RRM1: variants seen among roughly 807,000 people sequenced by gnomAD.
RRM1 encodes ribonucleoside-diphosphate reductase large subunit.
A neutral mutation model predicts 101.5 loss-of-function variants in RRM1; 19 were observed. That is an observed-to-expected ratio of 0.19 (90% CI 0.13 to 0.27). The LOEUF (loss-of-function observed/expected upper bound fraction) is 0.27. RRM1 is among the 10% of genes least tolerant of loss of function. The pLI is 1.00. For missense variants in RRM1, 500 were observed against 962.9 expected, an observed-to-expected ratio of 0.52 and a Z score of 6.36; for synonymous variants, 298 against 323.4, an observed-to-expected ratio of 0.92 and a Z score of 0.84.
At chr11:4,130,429 CTCACG>C (rs1288083500) in intron 15 of RRM1, among the ~76,000 whole-genome samples, 1 of 152,086 alleles carries the variant, frequency 6.6e-6, no homozygotes, top group African/African-American at 2.4e-5. Flanking sequence ...GGCACCATGA[CTCACG>C]TCTGTAATCC....
At chr11:4,121,911 G>A (rs1034417855) in intron 10 of RRM1, 146 bp downstream of exon 10, 15 of 789,902 alleles carry the variant, frequency 1.9e-5, no homozygotes, top group Non-Finnish European at 2.8e-5. Flanking sequence ...TGCCGTGCTT[G>A]TCTTCTTATA....
chr11:4,127,154 G>C lies in RRM1; in HGVS notation c.1590G>C (p.Gln530His). Residue 530 changes from glutamine to histidine, a missense_variant, in exon 14 of 19, where the codon CAG (glutamine) becomes CAC (histidine). Gln to His is a conservative substitution (Grantham distance 24). Transcript: ENST00000300738. Reference protein sequence around the residue: ...ESAEAQLLNKQIFETIYYGAL... With the variant: ...ESAEAQLLNKHIFETIYYGAL... ...CAGAAGCCCAGTTACTGAATAAGCA[G>C]ATCTTTGAAACTATTTATTATGGTG... 1 of 1,614,084 alleles carries C rather than the reference G, an allele frequency of 6.2e-7. No individual in the cohort carries two copies. Among genetic ancestry groups the C allele is most frequent in the Non-Finnish European group, 8.5e-7 (1 of 1,179,984 alleles).
chr11:4,104,501 C>A (rs1255977904), intron 2 of RRM1, among the ~76,000 whole-genome samples: 1 of 152,128 alleles, frequency 6.6e-6, no homozygotes, highest in Non-Finnish European at 1.5e-5. Context: ...ATACCCTGTG[C>A]ATTACCTGTC....
chr11:4,117,614 A>G (rs973433704), intron 7 of RRM1, among the ~76,000 whole-genome samples: 25 of 152,230 alleles, frequency 1.6e-4, no homozygotes, highest in African/African-American at 5.8e-4. Context: ...TGAAAATGTT[A>G]GAGGATTGCA....
At chr11:4,126,214 T>G (rs1312684179) in intron 12 of RRM1, among the ~76,000 whole-genome samples, 1 of 152,258 alleles carries the variant, frequency 6.6e-6, no homozygotes, top group African/African-American at 2.4e-5. Flanking sequence ...TGAAGAACTC[T>G]GCAGTGATGG....
intron 1 of RRM1, among the ~76,000 whole-genome samples, chr11:4,099,966 T>C (rs2094548946): frequency 1.3e-5 from 2 of 152,210 alleles, no homozygotes; most frequent in Non-Finnish European, 2.9e-5. Context: ...CATGTATAAT[T>C]GCAGAACGCT....
chr11:4,115,176 G>A (rs1345393178), intron 7 of RRM1, among the ~76,000 whole-genome samples: 3 of 152,144 alleles, frequency 2.0e-5, no homozygotes, highest in Non-Finnish European at 2.9e-5. Context: ...TAAAATTCAT[G>A]TGAAAGAGCA....
chr11:4,117,239 AGT>A (rs2094575023), intron 7 of RRM1, among the ~76,000 whole-genome samples: 1 of 152,226 alleles, frequency 6.6e-6, no homozygotes, highest in Non-Finnish European at 1.5e-5. Context: ...GAGAATCTTT[AGT>A]AAAGTGAAAC....
chr11:4,105,882 C>G (rs568424824), intron 2 of RRM1, among the ~76,000 whole-genome samples, 164 bp from the exon 3 acceptor site: 1 of 151,462 alleles, frequency 6.6e-6, no homozygotes, highest in Admixed American at 6.6e-5. Flanking sequence ...TTAATAGTGT[C>G]GTGAACTGCT....
intron 2 of RRM1, among the ~76,000 whole-genome samples, chr11:4,104,821 A>G (rs2094556235): frequency 6.6e-6 from 1 of 152,188 alleles, no homozygotes; most frequent in Admixed American, 6.6e-5. Context: ...ATCATAATTC[A>G]GCCCCAGACC....
At chr11:4,113,987 T>A (rs2094569088) in intron 7 of RRM1, among the ~76,000 whole-genome samples, 1 of 151,518 alleles carries the variant, frequency 6.6e-6, no homozygotes, top group Admixed American at 6.6e-5. Flanking sequence ...ATAAAAAAAC[T>A]AGCCAGGCAT....
Position 4,101,984 on chromosome 11 carries a change from A to T in RRM1, c.20-9A>T. 1 of 1,499,844 alleles carries T rather than the reference A, an allele frequency of 6.7e-7. No homozygotes were observed. The highest frequency in any genetic ancestry group is 1.4e-5 in the African/African-American group (1 of 72,308). 92.9% of individuals were successfully genotyped at this position (1,499,844 alleles called of 1,614,324 possible). On this transcript the variant is annotated splice_polypyrimidine_tract_variant and intron_variant, in intron 1 of 18. Transcript: ENST00000300738. ...ATTTAATAATTGCTAACATGATTTG[A>T]TTCTTTAGATGGCCGCCAAGAACGA...
chr11:4,115,953 A>C (rs1328524969), intron 7 of RRM1: 1 of 152,168 alleles, frequency 6.6e-6, no homozygotes, highest in Non-Finnish European at 1.5e-5. Context: ...ACAATTAAAA[A>C]CTTCTGTGTG....
chr11:4,130,086 A>ATATATATATATTTTTTTTTTT (rs1202870487), intron 15 of RRM1, among the ~76,000 whole-genome samples: 1 of 99,446 alleles, frequency 1.0e-5, no homozygotes, highest in African/African-American at 5.4e-5. Flanking sequence ...ATATATATAT[A>ATATATATATATTTTTTTTTTT]TTTTTTTTTT....
At chr11:4,112,803 G>T (rs1031201483) in intron 7 of RRM1, among the ~76,000 whole-genome samples, 1 of 152,118 alleles carries the variant, frequency 6.6e-6, no homozygotes, top group Admixed American at 6.6e-5. Context: ...GAAGCAGATA[G>T]ATCAAAAGAT....
intron 15 of RRM1, among the ~76,000 whole-genome samples, chr11:4,131,889 GT>G (rs1388481789): frequency 6.6e-6 from 1 of 152,184 alleles, no homozygotes; most frequent in Non-Finnish European, 1.5e-5. Context: ...AAGAGTGAGG[GT>G]TGGATGAGTG....
At chr11:4,095,052 G>A (rs558483136) in intron 1 of RRM1, 21 bp downstream of exon 1, 5 of 1,565,754 alleles carry the variant, frequency 3.2e-6, no homozygotes, top group South Asian at 1.2e-5. Flanking sequence ...GACGAGGTGG[G>A]CGAGAAGGAA....
Position 4,094,969 on chromosome 11 carries a change from G to A in RRM1, c.-44G>A, listed in dbSNP as rs369493432. ...TCGATCCCGCCGGCGCTTTAGAGCC[G>A]CAGTCCAGTCTTGGATCCTTCAGAG... On this transcript the variant is annotated 5_prime_UTR_variant, in exon 1 of 19. Coordinates refer to ENST00000300738, the MANE Select transcript of RRM1 (RefSeq NM_001033.5). 4.5e-6 allele frequency: 7 copies of A among 1,553,122 alleles called. No individual in the cohort carries two copies. Among genetic ancestry groups the A allele is most frequent in the African/African-American group, 4.1e-5 (3 of 73,138 alleles).
intron 18 of RRM1, among the ~76,000 whole-genome samples, chr11:4,136,276 C>T (rs1285174852): frequency 1.3e-5 from 2 of 152,038 alleles, no homozygotes; most frequent in Admixed American, 1.3e-4. Context: ...GGCTGGAGTA[C>T]AGCGGCATGA....
Sources: gnomAD v4.1 joint callset for allele counts (sites outside exome capture counted in the v4.1 genomes callset) on GRCh38, gnomAD v4.1.1 for gene constraint, MANE v1.5 for transcripts, NCBI Gene and HGNC (gene_info 2026-07-23, HGNC 2026-07-21) for gene names.